The following PLEKHD1 variants were observed in gnomAD, a reference collection of about 807,000 sequenced individuals.
PLEKHD1 encodes the protein pleckstrin homology and coiled-coil domain containing D1, also known as pleckstrin homology domain-containing family D member 1.
A neutral mutation model predicts 69.2 loss-of-function variants in PLEKHD1; 51 were observed. The observed-to-expected ratio is 0.74, with a 90% confidence interval of 0.59 to 0.93. The LOEUF (loss-of-function observed/expected upper bound fraction) is 0.93, where lower values mean the gene tolerates loss of function less well. Among genes scored for constraint, PLEKHD1 ranks in the 40% least tolerant of loss-of-function variants. PLEKHD1 has a pLI of 0.00. For synonymous variants in PLEKHD1, 236 were observed against 244.7 expected (o/e 0.96, Z 0.33); for missense variants, 584 against 641.0 (o/e 0.91, Z 0.96).
Position 69,521,456 on chromosome 14 carries a change from A to T in PLEKHD1, c.556-827A>T, listed in dbSNP as rs546521817. ...AACTTGGGAACAAAGCCCCCAGGTG[A>T]AAATGAGAGTGGAATTTGGAGCTGG... is the stretch of plus-strand genomic sequence containing the variant. On this transcript the variant is annotated intron_variant, in intron 6 of 12. Transcript: ENST00000322564. Among the ~76,000 whole-genome samples, 22 of 152,348 alleles carry T rather than the reference A, an allele frequency of 1.4e-4. 1 individual carries two copies. Among genetic ancestry groups the T allele is most frequent in the Admixed American group, 1.4e-3 (22 of 15,300 alleles).
chr14:69,512,943 C>A (rs1486526512), intron 6 of PLEKHD1, among the ~76,000 whole-genome samples: 4 of 151,734 alleles, frequency 2.6e-5, no homozygotes, highest in Non-Finnish European at 5.9e-5. Context: ...GAAAAAAATT[C>A]ACCAGGGATA....
chr14:69,527,442 C>T, intron 11 of PLEKHD1, 110 bp downstream of exon 11: 1 of 1,435,650 alleles, frequency 7.0e-7, no homozygotes. Flanking sequence ...GCATGAGGTG[C>T]TCCCTGGATA....
chr14:69,499,937 C>T (rs954499836), intron 1 of PLEKHD1, among the ~76,000 whole-genome samples, 178 bp from the exon 2 acceptor site: 3 of 152,212 alleles, frequency 2.0e-5, no homozygotes, highest in East Asian at 1.9e-4. Flanking sequence ...CCTGTGGGGA[C>T]GTCACTGGCC....
intron 1 of PLEKHD1, among the ~76,000 whole-genome samples, chr14:69,485,897 C>T (rs1373770592): frequency 6.6e-6 from 1 of 152,192 alleles, no homozygotes; most frequent in Non-Finnish European, 1.5e-5. Context: ...GACGCGACTC[C>T]GCGGACATCG....
chr14:69,523,074 AGAC>A (rs1883557921), intron 7 of PLEKHD1, among the ~76,000 whole-genome samples: 1 of 152,124 alleles, frequency 6.6e-6, no homozygotes, highest in South Asian at 2.1e-4. Flanking sequence ...CTGGGATTAC[AGAC>A]ATGTGCCACC....
intron 6 of PLEKHD1, among the ~76,000 whole-genome samples, chr14:69,516,284 CATGAATAAGAAA>C (rs1375640241): frequency 3.9e-5 from 6 of 152,162 alleles, no homozygotes; most frequent in Admixed American, 3.9e-4. Context: ...ACTTGTAAAA[CATGAATAAGAAA>C]ATAAAATTTA....
chr14:69,501,150 G>A lies in PLEKHD1; in HGVS notation c.410+203G>A, dbSNP rs7160036. Reference sequence around the variant, plus strand: ...CTGAGTGAGCTTGAAAAGTGTCTAGGTCACAGGTGGCAGGTGTGGGTACCA... The same window carrying A: ...CTGAGTGAGCTTGAAAAGTGTCTAGATCACAGGTGGCAGGTGTGGGTACCA... On this transcript the variant is annotated intron_variant, in intron 4 of 12. Transcript: ENST00000322564. 3.3e-3 allele frequency: 2,020 copies of A among 603,006 alleles called. 21 individuals carry two copies. The highest frequency in any genetic ancestry group is 0.033 in the African/African-American group (1,807 of 54,194). The allele number at this position is 603,006 out of a possible 1,614,324, so 37.4% of individuals were successfully genotyped here. A position where few individuals can be genotyped will look rare whatever the true frequency, so the allele number is the denominator to read the frequency against.
At chr14:69,515,844 C>G (rs1167021345) in intron 6 of PLEKHD1, among the ~76,000 whole-genome samples, 2 of 152,212 alleles carry the variant, frequency 1.3e-5, no homozygotes, top group African/African-American at 4.8e-5. Context: ...CAAGCCCCAC[C>G]TCCAAGATTA....
At position 69,485,122 on chromosome 14, in the gene PLEKHD1, CG is replaced by C; in HGVS notation, c.149+9del. 6.5e-7 allele frequency: 1 copy of C among 1,546,994 alleles called. No homozygotes were observed. The highest frequency in any genetic ancestry group is 8.7e-7 in the Non-Finnish European group (1 of 1,144,882). On this transcript the variant is annotated intron_variant, in intron 1 of 12. Coordinates refer to ENST00000322564, the MANE Select transcript of PLEKHD1 (RefSeq NM_001161498.2). ...GGCCAAGTGGTCCCGGCGGTGAGTG[CG>C]CCCCCGCGCCCCAAGGAGACCGCCG...
chr14:69,514,613 C>T (rs1883342484), intron 6 of PLEKHD1, among the ~76,000 whole-genome samples: 1 of 151,190 alleles, frequency 6.6e-6, no homozygotes, highest in African/African-American at 2.4e-5. Flanking sequence ...GTGTTTTTTA[C>T]CTTCTAGTAT....
At chr14:69,488,053 G>C (rs1282220488) in intron 1 of PLEKHD1, among the ~76,000 whole-genome samples, 2 of 152,106 alleles carry the variant, frequency 1.3e-5, no homozygotes, top group African/African-American at 2.4e-5. Context: ...TCCTCCCCAG[G>C]GGCAGGGTAG....
intron 1 of PLEKHD1, among the ~76,000 whole-genome samples, chr14:69,493,185 ACCAG>A (rs1882815245): frequency 2.0e-5 from 3 of 152,234 alleles, no homozygotes; most frequent in Admixed American, 1.3e-4. Flanking sequence ...AGCTTGGTGT[ACCAG>A]GGGAATCAGT....
At chr14:69,484,057 C>T (rs1331791244), upstream of PLEKHD1, among the ~76,000 whole-genome samples, 1 of 152,228 alleles carries the variant, frequency 6.6e-6, no homozygotes, top group Non-Finnish European at 1.5e-5. Context: ...CAGACACGGT[C>T]AGGTTCCAGG....
At chr14:69,500,991 G>A in intron 4 of PLEKHD1, 44 bp downstream of exon 4, 1 of 1,540,828 alleles carries the variant, frequency 6.5e-7, no homozygotes, top group South Asian at 1.2e-5. Flanking sequence ...ATCCAGGATG[G>A]GGTGGGCGGG....
chr14:69,504,886 G>C (rs941330275), intron 6 of PLEKHD1, among the ~76,000 whole-genome samples: 2 of 152,182 alleles, frequency 1.3e-5, no homozygotes, highest in East Asian at 3.8e-4. Context: ...TACATTTCAA[G>C]CAAGGCTTCT....
At chr14:69,479,736 C>CA (rs1882509878), upstream of PLEKHD1, among the ~76,000 whole-genome samples, 1 of 152,122 alleles carries the variant, frequency 6.6e-6, no homozygotes, top group Non-Finnish European at 1.5e-5. Flanking sequence ...CAGAGAAGCC[C>CA]AGTGATTGTC....
chr14:69,477,245 A>G, the PLEKHD1 span, among the ~76,000 whole-genome samples: 99 of 152,286 alleles, frequency 6.5e-4, no homozygotes, highest in Non-Finnish European at 1.2e-3. Context: ...TTAAATCATC[A>G]GATCTGATGA....
At chr14:69,505,243 AT>A (rs950659809) in intron 6 of PLEKHD1, among the ~76,000 whole-genome samples, 2 of 152,124 alleles carry the variant, frequency 1.3e-5, no homozygotes, top group African/African-American at 4.8e-5. Flanking sequence ...CTCAGTTCTC[AT>A]TTTTTGTCAG....
chr14:69,484,801 C>T lies in PLEKHD1; in HGVS notation c.-165C>T. 1 of 744,700 alleles carries T rather than the reference C, an allele frequency of 1.3e-6. No individual in the cohort carries two copies. Among genetic ancestry groups the T allele is most frequent in the Non-Finnish European group, 2.1e-6 (1 of 485,544 alleles). 46.1% of individuals were successfully genotyped at this position (744,700 alleles called of 1,614,324 possible). On this transcript the variant is annotated 5_prime_UTR_variant, in exon 1 of 13. Transcript: ENST00000322564. ...CGCGCCCTGCGCCCCCTTGGTGCCG[C>T]GTCCAGTGCCCAGCGCGCTTTGATG... is the stretch of plus-strand genomic sequence containing the variant.
Sources: gnomAD v4.1 joint callset for allele counts (sites outside exome capture counted in the v4.1 genomes callset) on GRCh38, gnomAD v4.1.1 for gene constraint, MANE v1.5 for transcripts, NCBI Gene and HGNC (gene_info 2026-07-23, HGNC 2026-07-21) for gene names.